Variants in HS3ST3A1 observed in about 807,000 individuals in gnomAD.
HS3ST3A1 encodes the protein heparan sulfate-glucosamine 3-sulfotransferase 3A1.
A neutral mutation model predicts 25.7 loss-of-function variants in HS3ST3A1; 19 were observed. The observed-to-expected ratio is 0.74, with a 90% CI of 0.52 to 1.08. The LOEUF is 1.08. HS3ST3A1 is among the 50% of genes least tolerant of loss of function. The pLI, the probability that HS3ST3A1 is intolerant of heterozygous loss-of-function variation, is 0.00. For synonymous variants in HS3ST3A1, 226 were observed against 278.6 expected, an observed-to-expected ratio of 0.81 and a Z score of 1.88; for missense variants, 459 against 594.3, an observed-to-expected ratio of 0.77 and a Z score of 2.37.
At chr17:13,542,050 G>A (rs796534263) in intron 1 of HS3ST3A1, among the ~76,000 whole-genome samples, 76 of 152,168 alleles carry the variant, frequency 5.0e-4, no homozygotes, top group African/African-American at 1.7e-3. Flanking sequence ...ATGAGGGGTC[G>A]GGCACAGTGG....
At chr17:13,571,392 A>G (rs1490572613) in intron 1 of HS3ST3A1, among the ~76,000 whole-genome samples, 2 of 152,226 alleles carry the variant, frequency 1.3e-5, no homozygotes, top group Non-Finnish European at 2.9e-5. Context: ...CATATTTTAC[A>G]TAATTCAGTT....
At chr17:13,582,629 A>G (rs1251054905) in intron 1 of HS3ST3A1, among the ~76,000 whole-genome samples, 1 of 152,236 alleles carries the variant, frequency 6.6e-6, no homozygotes, top group Non-Finnish European at 1.5e-5. Flanking sequence ...TGCACGTGAA[A>G]TGAAACATTT....
intron 1 of HS3ST3A1, among the ~76,000 whole-genome samples, chr17:13,568,597 C>T (rs1035139314): frequency 6.6e-6 from 1 of 152,104 alleles, no homozygotes; most frequent in Non-Finnish European, 1.5e-5. Context: ...TAATTTGAAA[C>T]AAGCATGTAA....
intron 1 of HS3ST3A1, among the ~76,000 whole-genome samples, chr17:13,534,547 C>CAAAA (rs34383911): frequency 6.4e-4 from 21 of 32,824 alleles, no homozygotes; most frequent in South Asian, 1.9e-3. Flanking sequence ...CTACAAAATC[C>CAAAA]AAAAAAAAAA....
At chr17:13,556,362 G>T (rs1328428472) in intron 1 of HS3ST3A1, among the ~76,000 whole-genome samples, 1 of 151,636 alleles carries the variant, frequency 6.6e-6, no homozygotes, top group East Asian at 2.0e-4. Context: ...CAAAAAATCA[G>T]TGGGGCCTGG....
intron 1 of HS3ST3A1, among the ~76,000 whole-genome samples, chr17:13,534,385 G>A (rs1328600365): frequency 6.6e-6 from 1 of 151,646 alleles, no homozygotes; most frequent in Non-Finnish European, 1.5e-5. Flanking sequence ...GTCAGTTCTT[G>A]TTATTCTAAG....
Position 13,556,582 on chromosome 17 carries a change from G to A in HS3ST3A1, c.599+43949C>T, listed in dbSNP as rs543032964. ...AAGAAAGCAAGGTGAGGCCGGTCAT[G>A]GTGGCTCATGCCTGTAATCCCAGCA... On this transcript the variant is annotated intron_variant, in intron 1 of 1. Coordinates refer to ENST00000284110, the MANE Select transcript of HS3ST3A1 (RefSeq NM_006042.3). 2.0e-3 allele frequency among the ~76,000 whole-genome samples: 299 copies of A among 148,086 alleles called. 1 individual carries two copies. The highest frequency in any genetic ancestry group is 6.8e-3 in the African/African-American group (273 of 39,898).
chr17:13,537,197 A>G (rs1225935370), intron 1 of HS3ST3A1, among the ~76,000 whole-genome samples: 3 of 152,228 alleles, frequency 2.0e-5, no homozygotes, highest in Admixed American at 2.0e-4. Context: ...GGATCAGTTT[A>G]TCTTTATTAA....
At chr17:13,525,784 T>C (rs1906395787) in intron 1 of HS3ST3A1, among the ~76,000 whole-genome samples, 1 of 152,194 alleles carries the variant, frequency 6.6e-6, no homozygotes, top group East Asian at 1.9e-4. Context: ...TGTCCATATT[T>C]GGGACTGAAA....
At position 13,526,489 on chromosome 17, in the gene HS3ST3A1, T is replaced by TAC. The variant is rs1301779669; in HGVS notation, c.600-29672_600-29671insGT. Among the ~76,000 whole-genome samples the TAC allele has an allele frequency of 4.4e-5, 5 of 113,566 alleles. No individual in the cohort carries two copies. The East Asian group carries it at 1.2e-3, about 27-fold the overall frequency. The allele number at this position is 113,566 out of a possible 152,430, so 74.5% of individuals were successfully genotyped here. A position where few individuals can be genotyped will look rare whatever the true frequency, so the allele number is the denominator to read the frequency against. ...ACTTTAATTTTTATATATATATATA[T>TAC]ATATATATATATATATATATATATA... On this transcript the variant is annotated intron_variant, in intron 1 of 1. Transcript: ENST00000284110.
At chr17:13,535,669 G>A (rs1470061873) in intron 1 of HS3ST3A1, among the ~76,000 whole-genome samples, 2 of 151,224 alleles carry the variant, frequency 1.3e-5, no homozygotes, top group Admixed American at 6.6e-5. Context: ...TAAAAAAAAA[G>A]AAATTAAAAA....
At chr17:13,526,589 T>C (rs1369200029) in intron 1 of HS3ST3A1, among the ~76,000 whole-genome samples, 1 of 148,638 alleles carries the variant, frequency 6.7e-6, no homozygotes, top group East Asian at 2.0e-4. Flanking sequence ...CTGAGGATAC[T>C]AGGCAGATCA....
At chr17:13,519,005 A>C (rs145539705) in intron 1 of HS3ST3A1, among the ~76,000 whole-genome samples, 135 of 152,356 alleles carry the variant, frequency 8.9e-4, no homozygotes, top group Admixed American at 1.5e-3. Flanking sequence ...CTGATAGGCT[A>C]TATTTGTATA....
intron 1 of HS3ST3A1, among the ~76,000 whole-genome samples, chr17:13,565,381 A>T (rs557040664): frequency 1.5e-3 from 229 of 152,100 alleles, no homozygotes; most frequent in Non-Finnish European, 1.6e-3. Context: ...AAAATACAAA[A>T]ATTAGCTCGG....
intron 1 of HS3ST3A1, among the ~76,000 whole-genome samples, chr17:13,554,825 C>T (rs369028042): frequency 6.6e-6 from 1 of 152,142 alleles, no homozygotes; most frequent in Non-Finnish European, 1.5e-5. Context: ...ATACCCTCCA[C>T]CCCCAACAAG....
chr17:13,532,572 C>T (rs73978645), intron 1 of HS3ST3A1, among the ~76,000 whole-genome samples: 1,791 of 149,564 alleles, frequency 0.012, 31 homozygotes, highest in African/African-American at 0.04. Flanking sequence ...CGAGGGGGGC[C>T]AGAATGAAAG....
rs1345871129 is a variant in HS3ST3A1 at position 13,495,479 on chromosome 17, C to T, written c.*718G>A. ...CCTTTTCATATCATCTGAAAACTAC[C>T]TAACCATTTCTAAAGGTGCAGATGT... On this transcript the variant is annotated 3_prime_UTR_variant, in exon 2 of 2. Coordinates refer to ENST00000284110, the MANE Select transcript of HS3ST3A1 (RefSeq NM_006042.3). Among the ~76,000 whole-genome samples, 1 of 152,120 alleles carries T rather than the reference C, an allele frequency of 6.6e-6. No individual in the cohort carries two copies. The highest frequency in any genetic ancestry group is 2.4e-5 in the African/African-American group (1 of 41,416).
At chr17:13,504,547 G>T (rs1905593332) in intron 1 of HS3ST3A1, among the ~76,000 whole-genome samples, 1 of 152,156 alleles carries the variant, frequency 6.6e-6, no homozygotes, top group South Asian at 2.1e-4. Flanking sequence ...TCATGACCCG[G>T]GTGCTGGCTA....
At chr17:13,568,579 T>A (rs780158532) in intron 1 of HS3ST3A1, among the ~76,000 whole-genome samples, 7 of 152,254 alleles carry the variant, frequency 4.6e-5, no homozygotes, top group Non-Finnish European at 8.8e-5. Flanking sequence ...TATTTTCTTT[T>A]GTTTCTTTAA....
Sources: allele counts gnomAD v4.1 joint callset (sites outside exome capture counted in the v4.1 genomes callset), GRCh38; gene constraint gnomAD v4.1.1; transcripts MANE v1.5; gene names NCBI Gene and HGNC (gene_info 2026-07-23, HGNC 2026-07-21).